UBE2Q2: variants seen among roughly 807,000 people sequenced by gnomAD.
The protein encoded by UBE2Q2 is ubiquitin conjugating enzyme E2 Q2, also known as ubiquitin-conjugating enzyme E2 Q2.
UBE2Q2 carries 54 observed loss-of-function variants against 59.9 expected under a neutral mutation model. The ratio of observed to expected loss-of-function variants is 0.90; its 90% CI spans 0.72 to 1.13. The LOEUF is 1.13. UBE2Q2 is among the 50% of genes most tolerant of loss of function. UBE2Q2 has a pLI of 0.00. For missense variants in UBE2Q2, 433 were observed against 441.9 expected, an observed-to-expected ratio of 0.98 and a Z score of 0.18; for synonymous variants, 165 against 155.2, an observed-to-expected ratio of 1.06 and a Z score of -0.47.
intron 4 of UBE2Q2, among the ~76,000 whole-genome samples, chr15:75,870,235 T>TA (rs967579655): frequency 6.6e-6 from 1 of 152,080 alleles, no homozygotes; most frequent in Non-Finnish European, 1.5e-5. Flanking sequence ...CCAAGCTTTT[T>TA]AAAAAAATTT....
At chr15:75,896,761 T>A (rs1367726353) in intron 11 of UBE2Q2, among the ~76,000 whole-genome samples, 1 of 152,208 alleles carries the variant, frequency 6.6e-6, no homozygotes, top group Non-Finnish European at 1.5e-5. Context: ...CTTATAAAAA[T>A]GAACTGTGAG....
At chr15:75,897,118 A>C in intron 12 of UBE2Q2, 57 bp downstream of exon 12, 2 of 972,506 alleles carry the variant, frequency 2.1e-6, no homozygotes, top group South Asian at 5.5e-5. Flanking sequence ...ATAATGTATT[A>C]ATACTTACCA....
rs1176957345 is a variant in UBE2Q2, at chr15:75,900,311, C to G, written c.*853C>G. On this transcript the variant is annotated 3_prime_UTR_variant, in exon 13 of 13. Coordinates refer to ENST00000267938, the MANE Select transcript of UBE2Q2 (RefSeq NM_173469.4). Reference sequence around the variant, plus strand: ...GTGATTGGCACAAAGACTCCTTGAGCAAAAGCTGTGCAGTTAAGTACAAAA... The same window carrying G: ...GTGATTGGCACAAAGACTCCTTGAGGAAAAGCTGTGCAGTTAAGTACAAAA... 1 of 152,432 alleles carries G rather than the reference C, an allele frequency of 6.6e-6. No individual in the cohort carries two copies. Among genetic ancestry groups the G allele is most frequent in the Non-Finnish European group, 1.5e-5 (1 of 68,026 alleles). 9.4% of individuals were successfully genotyped at this position (152,432 alleles called of 1,614,324 possible). A position where few individuals can be genotyped will look rare whatever the true frequency, so the allele number is the denominator to read the frequency against.
At chr15:75,880,854 C>T (rs1898370055) in intron 8 of UBE2Q2, among the ~76,000 whole-genome samples, 3 of 152,116 alleles carry the variant, frequency 2.0e-5, no homozygotes, top group Admixed American at 2.0e-4. Context: ...ATGGAAAAAG[C>T]AATACTTCCT....
At chr15:75,868,212 C>T (rs1897603762) in intron 3 of UBE2Q2, among the ~76,000 whole-genome samples, 1 of 152,168 alleles carries the variant, frequency 6.6e-6, no homozygotes, top group South Asian at 2.1e-4. Flanking sequence ...GTGTTCTAAC[C>T]TGAACTGGCC....
chr15:75,867,467 TCTC>T (rs1173721531), intron 3 of UBE2Q2, among the ~76,000 whole-genome samples: 1 of 152,200 alleles, frequency 6.6e-6, no homozygotes, highest in African/African-American at 2.4e-5. Context: ...CTAAGGGTAT[TCTC>T]CTTGTATTTG....
At chr15:75,886,501 A>T (rs1259432205) in intron 9 of UBE2Q2, among the ~76,000 whole-genome samples, 1 of 152,250 alleles carries the variant, frequency 6.6e-6, no homozygotes, top group Non-Finnish European at 1.5e-5. Flanking sequence ...AAAGGAAGAC[A>T]GGTCATTTTT....
At chr15:75,894,524 C>T (rs1899288385) in intron 11 of UBE2Q2, among the ~76,000 whole-genome samples, 1 of 152,104 alleles carries the variant, frequency 6.6e-6, no homozygotes, top group South Asian at 2.1e-4. Flanking sequence ...GTGAAGGTTG[C>T]AGTGAGCTGA....
At position 75,900,031 on chromosome 15, in the gene UBE2Q2, A is replaced by G. The variant is rs1402060313; in HGVS notation, c.*573A>G. The G allele has an allele frequency of 6.6e-6, 1 of 151,452 alleles. No homozygotes were observed. Among genetic ancestry groups the G allele is most frequent in the African/African-American group, 2.5e-5 (1 of 40,264 alleles). 9.4% of individuals were successfully genotyped at this position (151,452 alleles called of 1,614,324 possible). Reference sequence around the variant, plus strand: ...AGATATGAATTGTTTCCTGAAGATAATACTCTTAATTGAGTTGTATTGTAC... The same window carrying G: ...AGATATGAATTGTTTCCTGAAGATAGTACTCTTAATTGAGTTGTATTGTAC... On this transcript the variant is annotated 3_prime_UTR_variant, in exon 13 of 13. Transcript: ENST00000267938.
At position 75,873,503 on chromosome 15, in the gene UBE2Q2, A is replaced by G. The variant is rs774378391; in HGVS notation, c.523A>G (p.Ile175Val). 2 of 1,613,904 alleles carry G rather than the reference A, an allele frequency of 1.2e-6. No homozygotes were observed. The highest frequency in any genetic ancestry group is 4.5e-5 in the East Asian group (2 of 44,870). ...ISGKKSEDEGIEKENLAILEK... is the reference protein window; with the variant it reads ...ISGKKSEDEGVEKENLAILEK... ...TGGGAAAAAGTCAGAGGATGAAGGA[A>G]TTGAAAAAGAAAATTTGGCAATATT... The change falls in exon 5 of 13, where the codon ATT (isoleucine) becomes GTT (valine). Residue 175 changes from isoleucine to valine, a missense_variant. Transcript: ENST00000267938.
At chr15:75,869,835 A>C (rs985377317) in intron 4 of UBE2Q2, among the ~76,000 whole-genome samples, 6 of 152,154 alleles carry the variant, frequency 3.9e-5, no homozygotes, top group African/African-American at 1.4e-4. Flanking sequence ...TCATGGATAT[A>C]ATTTTAGATG....
At chr15:75,854,539 A>G (rs755964007) in intron 2 of UBE2Q2, 52 bp downstream of exon 2, 154 of 1,131,794 alleles carry the variant, frequency 1.4e-4, no homozygotes, top group Middle Eastern at 2.0e-4. Flanking sequence ...CATTACATAT[A>G]GAAATTAAAT....
At chr15:75,869,519 C>A (rs1897674101) in intron 4 of UBE2Q2, among the ~76,000 whole-genome samples, 1 of 152,210 alleles carries the variant, frequency 6.6e-6, no homozygotes, top group South Asian at 2.1e-4. Flanking sequence ...TCTCACTGTT[C>A]TGAAGGCTGG....
At chr15:75,881,990 G>C (rs1304702234) in intron 8 of UBE2Q2, among the ~76,000 whole-genome samples, 1 of 152,128 alleles carries the variant, frequency 6.6e-6, no homozygotes, top group Admixed American at 6.5e-5. Flanking sequence ...GATTTGGAGA[G>C]GAGAACATGA....
Position 75,900,278 on chromosome 15 carries a change from C to T in UBE2Q2, c.*820C>T, listed in dbSNP as rs1243156174. On this transcript the variant is annotated 3_prime_UTR_variant, in exon 13 of 13. Transcript: ENST00000267938. ...TTGCAATCGTTTGTAAACTAATAAA[C>T]TTATAAAGTGATTGGCACAAAGACT... The T allele has an allele frequency of 6.6e-6, 1 of 152,242 alleles. No homozygotes were observed. The highest frequency in any genetic ancestry group is 1.5e-5 in the Non-Finnish European group (1 of 68,032). The allele number at this position is 152,242 out of a possible 1,614,324, so 9.4% of individuals were successfully genotyped here. A position where few individuals can be genotyped will look rare whatever the true frequency, so the allele number is the denominator to read the frequency against.
At chr15:75,880,667 A>AT (rs1408375535) in intron 8 of UBE2Q2, among the ~76,000 whole-genome samples, 3 of 151,844 alleles carry the variant, frequency 2.0e-5, no homozygotes, top group Non-Finnish European at 4.4e-5. Context: ...TGTCCGCATA[A>AT]TTTTTGTATT....
At chr15:75,852,411 G>C (rs1165552084) in intron 1 of UBE2Q2, among the ~76,000 whole-genome samples, 2 of 152,006 alleles carry the variant, frequency 1.3e-5, no homozygotes, top group Non-Finnish European at 2.9e-5. Flanking sequence ...CCCCACTTTG[G>C]GAACCATTGA....
chr15:75,898,027 A>C lies in UBE2Q2; in HGVS notation c.1096+966A>C, dbSNP rs115042779. Among the ~76,000 whole-genome samples, 653 of 152,240 alleles carry C rather than the reference A, an allele frequency of 4.3e-3. 14 individuals carry two copies. The highest frequency in any genetic ancestry group is 0.015 in the African/African-American group (614 of 41,544). ...TTTGAGGACAAGGCCAGGTTTTCAT[A>C]ATAATAATTTCTAGCACACAAAATT... On this transcript the variant is annotated intron_variant, in intron 12 of 12. Transcript: ENST00000267938.
intron 2 of UBE2Q2, among the ~76,000 whole-genome samples, chr15:75,856,693 C>T (rs926969652): frequency 6.6e-6 from 1 of 152,162 alleles, no homozygotes; most frequent in Non-Finnish European, 1.5e-5. Flanking sequence ...CCTGTAATCC[C>T]AGAACTTTAG....
Sources: gnomAD v4.1 joint callset for allele counts (sites outside exome capture counted in the v4.1 genomes callset) on GRCh38, gnomAD v4.1.1 for gene constraint, MANE v1.5 for transcripts, NCBI Gene and HGNC (gene_info 2026-07-23, HGNC 2026-07-21) for gene names.